LRFN5: variants seen among roughly 807,000 people sequenced by gnomAD.
LRFN5 encodes the protein leucine-rich repeat and fibronectin type-III domain-containing protein 5.
A neutral mutation model predicts 45.6 loss-of-function variants in LRFN5; 24 were observed. The ratio of observed to expected loss-of-function variants is 0.53; its 90% CI spans 0.38 to 0.74. The LOEUF (loss-of-function observed/expected upper bound fraction) is 0.74. Among genes scored for constraint, LRFN5 ranks in the 30% least tolerant of loss-of-function variants. The pLI, the probability that LRFN5 is intolerant of heterozygous loss-of-function variation, is 0.00. For missense variants in LRFN5, 776 were observed against 861.5 expected, an observed-to-expected ratio of 0.90 and a Z score of 1.24; for synonymous variants, 340 against 313.8, an observed-to-expected ratio of 1.08 and a Z score of -0.88.
intron 1 of LRFN5, among the ~76,000 whole-genome samples, chr14:41,641,349 T>G (rs1293367826): frequency 6.6e-6 from 1 of 152,132 alleles, no homozygotes; most frequent in Non-Finnish European, 1.5e-5. Flanking sequence ...TGAATTCATC[T>G]TTCTCTTTCA....
rs1888103095 is a variant in LRFN5 at position 41,821,246 on chromosome 14, G to A, written c.-21+54217G>A. Among the ~76,000 whole-genome samples, 6 of 151,980 alleles carry A rather than the reference G, an allele frequency of 3.9e-5. No individual in the cohort carries two copies. In the South Asian group the frequency reaches 1.0e-3, roughly 26 times the overall value. On this transcript the variant is annotated intron_variant, in intron 2 of 5. Coordinates refer to ENST00000298119, the MANE Select transcript of LRFN5 (RefSeq NM_152447.5). ...TTCAGTATGATATTGGCTGTGGTTT[G>A]TTAGACATGGCTCTTATTATTCTGA... is the stretch of plus-strand genomic sequence containing the variant.
chr14:41,740,723 G>C (rs1566646604), intron 1 of LRFN5, among the ~76,000 whole-genome samples: 1 of 151,534 alleles, frequency 6.6e-6, no homozygotes, highest in Non-Finnish European at 1.5e-5. Flanking sequence ...TTAGAAAAAA[G>C]AAATAAAAGG....
chr14:41,851,562 A>G (rs1889268315), intron 2 of LRFN5, among the ~76,000 whole-genome samples: 1 of 151,778 alleles, frequency 6.6e-6, no homozygotes, highest in African/African-American at 2.4e-5. Context: ...TACATAAATT[A>G]ATTTAAATTA....
intron 5 of LRFN5, among the ~76,000 whole-genome samples, chr14:41,900,969 C>T (rs1408836805): frequency 1.3e-5 from 2 of 152,016 alleles, no homozygotes; most frequent in African/African-American, 4.8e-5. Context: ...ACTGAGGTAC[C>T]TGTTAAGGTG....
chr14:41,767,387 T>C (rs1885924031), intron 2 of LRFN5, among the ~76,000 whole-genome samples: 2 of 152,168 alleles, frequency 1.3e-5, no homozygotes. Flanking sequence ...AAATATTTTA[T>C]CAAATTTGCT....
chr14:41,844,617 C>T (rs1888995941), intron 2 of LRFN5, among the ~76,000 whole-genome samples: 1 of 152,066 alleles, frequency 6.6e-6, no homozygotes, highest in African/African-American at 2.4e-5. Flanking sequence ...ATTTCTAATA[C>T]ACATAACCAT....
At chr14:41,846,011 GC>G (rs1889048863) in intron 2 of LRFN5, among the ~76,000 whole-genome samples, 1 of 152,056 alleles carries the variant, frequency 6.6e-6, no homozygotes, top group Non-Finnish European at 1.5e-5. Context: ...CCATTTCAGA[GC>G]CCCTTCCATA....
chr14:41,716,055 C>T (rs888078325), intron 1 of LRFN5, among the ~76,000 whole-genome samples: 1 of 152,162 alleles, frequency 6.6e-6, no homozygotes, highest in Non-Finnish European at 1.5e-5. Flanking sequence ...GAGGCTTGCA[C>T]CCTATGAAGC....
intron 1 of LRFN5, among the ~76,000 whole-genome samples, chr14:41,728,621 A>G (rs1223773078): frequency 1.3e-5 from 2 of 152,192 alleles, no homozygotes; most frequent in African/African-American, 2.4e-5. Context: ...AATCTATTCA[A>G]TTCATCTAAC....
At chr14:41,874,297 T>A (rs1190063051) in intron 2 of LRFN5, among the ~76,000 whole-genome samples, 1 of 152,192 alleles carries the variant, frequency 6.6e-6, no homozygotes, top group Non-Finnish European at 1.5e-5. Context: ...AGATACCTAA[T>A]AATGTTTTCT....
intron 1 of LRFN5, among the ~76,000 whole-genome samples, chr14:41,705,109 G>C (rs1239201498): frequency 6.6e-6 from 1 of 151,986 alleles, no homozygotes; most frequent in Non-Finnish European, 1.5e-5. Context: ...CAAAAGGAGA[G>C]AGTAACAATT....
chr14:41,753,938 A>G (rs369049408), intron 1 of LRFN5, among the ~76,000 whole-genome samples: 1 of 152,142 alleles, frequency 6.6e-6, no homozygotes, highest in Admixed American at 6.5e-5. Flanking sequence ...GATACGTCCC[A>G]TCAATACCTA....
In LRFN5 at chr14:41,805,390, TTTTA is replaced by T. The variant is rs60289355; in HGVS notation, c.-21+38392_-21+38395del. 2.3e-3 allele frequency among the ~76,000 whole-genome samples: 330 copies of T among 146,136 alleles called. 1 individual carries two copies. Among genetic ancestry groups the T allele is most frequent in the Middle Eastern group, 3.6e-3 (1 of 280 alleles). ...TCAGGGCATACTTACATAAGTTTTATTTTATTTATTTATTTATTTATTTATTTAT... is the reference window on the plus strand; with the variant it reads ...TCAGGGCATACTTACATAAGTTTTATTTTATTTATTTATTTATTTATTTAT... On this transcript the variant is annotated intron_variant, in intron 2 of 5. Transcript: ENST00000298119.
chr14:41,880,543 A>T (rs376127243), intron 2 of LRFN5, among the ~76,000 whole-genome samples: 6 of 152,058 alleles, frequency 3.9e-5, no homozygotes, highest in Non-Finnish European at 7.4e-5. Flanking sequence ...TTTCATTTCA[A>T]TTTAATAGTC....
chr14:41,725,330 A>G (rs1883885703), intron 1 of LRFN5, among the ~76,000 whole-genome samples: 1 of 152,100 alleles, frequency 6.6e-6, no homozygotes, highest in Non-Finnish European at 1.5e-5. Context: ...TCTGCTTCAC[A>G]TTTGCTTGCA....
Position 41,628,231 on chromosome 14 carries a change from C to T in LRFN5, c.-197+19669C>T, listed in dbSNP as rs2138573383. ...TCTTAACAATATCTTGCCTTTTTCTCACTAAGCTGTCAGTGAAGTCATTTA... is the reference window on the plus strand; with the variant it reads ...TCTTAACAATATCTTGCCTTTTTCTTACTAAGCTGTCAGTGAAGTCATTTA... On this transcript the variant is annotated intron_variant, in intron 1 of 5. Coordinates refer to ENST00000298119, the MANE Select transcript of LRFN5 (RefSeq NM_152447.5). Among the ~76,000 whole-genome samples, 5 of 152,216 alleles carry T rather than the reference C, an allele frequency of 3.3e-5. 1 individual carries two copies. In the South Asian group the frequency reaches 1.0e-3, roughly 32 times the overall value.
intron 2 of LRFN5, among the ~76,000 whole-genome samples, chr14:41,833,241 G>C (rs1294321519): frequency 1.3e-5 from 2 of 152,114 alleles, no homozygotes; most frequent in African/African-American, 4.8e-5. Flanking sequence ...GCCACAGAAA[G>C]AAAATGATTA....
rs181871822 is a variant in LRFN5 at position 41,845,245 on chromosome 14, G to A, written c.-20-41361G>A. On this transcript the variant is annotated intron_variant, in intron 2 of 5. Transcript: ENST00000298119. ...TTTTGAAATACTATTTAAAGGACACGACAAAATTATTGCAGAATACATATT... is the reference window on the plus strand; with the variant it reads ...TTTTGAAATACTATTTAAAGGACACAACAAAATTATTGCAGAATACATATT... Among the ~76,000 whole-genome samples the A allele has an allele frequency of 5.7e-4, 86 of 152,118 alleles. No individual in the cohort carries two copies. The Middle Eastern group carries it at 0.01, about 18-fold the overall frequency.
At chr14:41,648,090 A>G (rs967490538) in intron 1 of LRFN5, among the ~76,000 whole-genome samples, 1 of 152,200 alleles carries the variant, frequency 6.6e-6, no homozygotes, top group Non-Finnish European at 1.5e-5. Context: ...TGGAGGTAAC[A>G]TACAAGCGCC....
Sources: allele counts gnomAD v4.1 joint callset (sites outside exome capture counted in the v4.1 genomes callset), GRCh38; gene constraint gnomAD v4.1.1; transcripts MANE v1.5; gene names NCBI Gene and HGNC (gene_info 2026-07-23, HGNC 2026-07-21).